The following LTBP1 variants were observed in gnomAD, a reference collection of about 807,000 sequenced individuals.
LTBP1 encodes the protein latent transforming growth factor beta binding protein 1, also known as latent-transforming growth factor beta-binding protein 1.
In LTBP1, 129 loss-of-function variants were observed where a neutral mutation model predicts 207.6. The observed-to-expected ratio is 0.62, with a 90% confidence interval of 0.54 to 0.72. LTBP1 has a LOEUF of 0.72. LTBP1 is among the 30% of genes least tolerant of loss of function. The pLI, the probability that LTBP1 is intolerant of heterozygous loss-of-function variation, is 0.00. For missense variants in LTBP1, 2,281 were observed against 2,217.2 expected, an observed-to-expected ratio of 1.03 and a Z score of -0.58; for synonymous variants, 963 against 833.7, an observed-to-expected ratio of 1.16 and a Z score of -2.67.
chr2:33,342,416 C>T (rs183954854), intron 24 of LTBP1, among the ~76,000 whole-genome samples: 102 of 152,324 alleles, frequency 6.7e-4, no homozygotes, highest in African/African-American at 2.4e-3. Context: ...AACTATTGCT[C>T]ATTTCCACCT....
chr2:33,071,859 C>G (rs902852517), intron 3 of LTBP1, among the ~76,000 whole-genome samples: 2 of 152,186 alleles, frequency 1.3e-5, no homozygotes, highest in African/African-American at 4.8e-5. Context: ...GTGCTTCCCC[C>G]ACTATACTCT....
chr2:33,082,431 ACTTTTTTTTTTTT>A (rs1258080479), intron 3 of LTBP1, among the ~76,000 whole-genome samples: 3 of 116,038 alleles, frequency 2.6e-5, no homozygotes, highest in East Asian at 2.8e-4. Flanking sequence ...AGTATGACTC[ACTTTTTTTTTTTT>A]TTTTTTTTTT....
At chr2:33,162,603 C>A (rs528471560) in intron 5 of LTBP1, among the ~76,000 whole-genome samples, 1 of 152,160 alleles carries the variant, frequency 6.6e-6, no homozygotes, top group Non-Finnish European at 1.5e-5. Flanking sequence ...TTGATCAGCT[C>A]ATGAGCAGAT....
At chr2:33,192,042 A>T (rs1238762536) in intron 7 of LTBP1, among the ~76,000 whole-genome samples, 4 of 152,194 alleles carry the variant, frequency 2.6e-5, no homozygotes, top group Admixed American at 2.6e-4. Flanking sequence ...TGGATGATTG[A>T]TGAGGAAACC....
At chr2:32,997,538 G>A (rs893362566) in intron 2 of LTBP1, among the ~76,000 whole-genome samples, 3 of 152,062 alleles carry the variant, frequency 2.0e-5, no homozygotes, top group African/African-American at 7.2e-5. Context: ...ACACACACAT[G>A]CTATTCCTGA....
At chr2:33,188,382 G>A (rs1161412755) in intron 6 of LTBP1, among the ~76,000 whole-genome samples, 195 bp from the exon 7 acceptor site, 1 of 135,004 alleles carries the variant, frequency 7.4e-6, no homozygotes, top group Non-Finnish European at 1.5e-5. Context: ...AGCTGAGATC[G>A]AGCCATTGCA....
rs1379326679 is a variant in LTBP1, at chr2:32,947,432, CGGCCT to C, written c.112_116del (p.Leu38SerfsTer115). The C allele has an allele frequency of 6.9e-7, 1 of 1,440,864 alleles. No homozygotes were observed. The highest frequency in any genetic ancestry group is 1.5e-5 in the African/African-American group (1 of 67,336). 89.3% of individuals were successfully genotyped at this position (1,440,864 alleles called of 1,614,324 possible). On this transcript the variant is annotated frameshift_variant, in exon 1 of 34. Transcript: ENST00000404816. LOFTEE classifies it high-confidence loss of function. The stretch of plus-strand genomic sequence containing the variant: ...TCACCTACGTGGTGCACCCGGGCCC[CGGCCT>C]GGCAGCCGGCGCCTTGCCCCTGAGC...
intron 5 of LTBP1, among the ~76,000 whole-genome samples, chr2:33,156,147 A>C (rs1174645029): frequency 6.6e-6 from 1 of 152,192 alleles, no homozygotes. Flanking sequence ...TAATCATTTT[A>C]AAGGTGAGGA....
intron 3 of LTBP1, among the ~76,000 whole-genome samples, chr2:33,034,131 T>G (rs780103137): frequency 1.6e-4 from 25 of 152,166 alleles, no homozygotes; most frequent in Non-Finnish European, 1.0e-4. Context: ...CACTTTCTCC[T>G]TAGCAGCGTT....
rs184664159 is a variant in LTBP1 at position 33,040,934 on chromosome 2, A to G, written c.863+19728A>G. ...CATTTGCTATGGAAGAAGTCTGACAATTTTACAATGGTCACACTGTGCTGG... is the reference window on the plus strand; with the variant it reads ...CATTTGCTATGGAAGAAGTCTGACAGTTTTACAATGGTCACACTGTGCTGG... On this transcript the variant is annotated intron_variant, in intron 3 of 33. Coordinates refer to ENST00000404816, the MANE Select transcript of LTBP1 (RefSeq NM_206943.4). Among the ~76,000 whole-genome samples the G allele has an allele frequency of 1.1e-3, 164 of 152,270 alleles. 1 individual carries two copies. Among genetic ancestry groups the G allele is most frequent in the Non-Finnish European group, 1.6e-3 (109 of 68,006 alleles).
intron 26 of LTBP1, among the ~76,000 whole-genome samples, chr2:33,352,496 C>G (rs748575666): frequency 7.9e-5 from 12 of 151,932 alleles, no homozygotes; most frequent in South Asian, 6.2e-4. Flanking sequence ...TTTTGTCTCC[C>G]CATTCGTCAT....
At chr2:33,354,970 T>C (rs1297351419) in intron 26 of LTBP1, among the ~76,000 whole-genome samples, 3 of 152,176 alleles carry the variant, frequency 2.0e-5, no homozygotes, top group African/African-American at 7.2e-5. Flanking sequence ...TCGTTTTATC[T>C]TCTTAATACT....
At chr2:33,054,813 C>T (rs955813305) in intron 3 of LTBP1, among the ~76,000 whole-genome samples, 7 of 152,134 alleles carry the variant, frequency 4.6e-5, no homozygotes, top group East Asian at 1.9e-4. Context: ...CCGGTGTTTG[C>T]CCCAGGCACC....
chr2:32,983,177 C>CAT (rs137972922), intron 2 of LTBP1, among the ~76,000 whole-genome samples: 22,523 of 152,180 alleles, frequency 0.15, 2,044 homozygotes, highest in Non-Finnish European at 0.21. Flanking sequence ...GGATGTGAAA[C>CAT]AGAGTCAAAG....
intron 5 of LTBP1, among the ~76,000 whole-genome samples, chr2:33,150,848 G>A (rs1410842339): frequency 6.7e-6 from 1 of 149,568 alleles, no homozygotes; most frequent in Non-Finnish European, 1.5e-5. Context: ...CGATTCTCTT[G>A]CCTCAGCCTC....
chr2:33,188,709 A>C lies in LTBP1; in HGVS notation c.1559A>C (p.Gln520Pro). 1 of 1,614,136 alleles carries C rather than the reference A, an allele frequency of 6.2e-7. No individual in the cohort carries two copies. The highest frequency in any genetic ancestry group is 8.5e-7 in the Non-Finnish European group (1 of 1,180,018). Residue 520 changes from glutamine (Q) to proline (P), a missense_variant, in exon 7 of 34, where the codon CAA (glutamine) becomes CCA (proline). Transcript: ENST00000404816. ...AAAGAAGCTCAACCAGGCCAATCCC[A>C]AGTCTCGTACCAAGGGCTTCCTGTC... Reference protein sequence around the residue: ...KTKEAQPGQSQVSYQGLPVQK... With the variant: ...KTKEAQPGQSPVSYQGLPVQK...
At chr2:33,025,037 C>A (rs1236203230) in intron 3 of LTBP1, among the ~76,000 whole-genome samples, 2 of 152,200 alleles carry the variant, frequency 1.3e-5, no homozygotes, top group Non-Finnish European at 2.9e-5. Flanking sequence ...CTATGTGGAC[C>A]TCTCTGTAGA....
At chr2:33,118,739 G>A (rs944567952) in intron 4 of LTBP1, among the ~76,000 whole-genome samples, 1 of 152,182 alleles carries the variant, frequency 6.6e-6, no homozygotes, top group Non-Finnish European at 1.5e-5. Flanking sequence ...GCAAAGAAAA[G>A]TTCATGAGCA....
intron 19 of LTBP1, 126 bp from the exon 20 acceptor site, chr2:33,293,034 G>A (rs2093805392): frequency 1.0e-6 from 1 of 986,648 alleles, no homozygotes; most frequent in East Asian, 2.7e-5. Context: ...TAATTTGAAA[G>A]TTTATCTTTA....
Sources: gnomAD v4.1 joint callset for allele counts (sites outside exome capture counted in the v4.1 genomes callset) on GRCh38, gnomAD v4.1.1 for gene constraint, MANE v1.5 for transcripts, NCBI Gene and HGNC (gene_info 2026-07-23, HGNC 2026-07-21) for gene names.